Variants in PCDHA2 observed in about 807,000 individuals in gnomAD.
PCDHA2 encodes protocadherin alpha-2.
In PCDHA2, 58 loss-of-function variants were observed where a neutral mutation model predicts 66.0. That is an observed-to-expected ratio of 0.88 (90% CI 0.71 to 1.09). PCDHA2 has a LOEUF of 1.09. Ranked by LOEUF, PCDHA2 falls within the 50% of genes least tolerant of loss-of-function variation. The probability of loss-of-function intolerance (pLI) is 0.00; values close to 1 mark genes in which losing one functional copy is unlikely to be tolerated. For synonymous variants in PCDHA2, 634 were observed against 554.0 expected, an observed-to-expected ratio of 1.14 and a Z score of -2.03; for missense variants, 1,267 against 1,242.3, an observed-to-expected ratio of 1.02 and a Z score of -0.30.
At chr5:140,856,210 G>C (rs556174610) in intron 1 of PCDHA2, 1 of 1,598,116 alleles carries the variant, frequency 6.3e-7, no homozygotes, top group African/African-American at 1.3e-5. Context: ...TGGGGCTGGA[G>C]CTGGCGGAGC....
chr5:140,829,237 C>T (rs2150164449), intron 1 of PCDHA2: 70 of 1,614,146 alleles, frequency 4.3e-5, no homozygotes, highest in Non-Finnish European at 4.8e-5. Context: ...CAGGTGCCAA[C>T]GGGCAGGTGA....
In PCDHA2 at chr5:141,009,668, G is replaced by A. The variant is rs782068657; in HGVS notation, c.2578G>A (p.Val860Ile). The change falls in exon 4 of 4, where the codon GTC becomes ATC. Residue 860 changes from valine (V) to isoleucine (I), a missense_variant. Transcript: ENST00000526136. ...AGTGTCCCCTCCAGTCGGTGCGGGTGTCAACAGCAACAGCTGGACCTTTAA... is the reference window on the plus strand; with the variant it reads ...AGTGTCCCCTCCAGTCGGTGCGGGTATCAACAGCAACAGCTGGACCTTTAA... ...GEVSPPVGAG[V>I]NSNSWTFKYG... The A allele has an allele frequency of 1.2e-6, 2 of 1,614,108 alleles. No individual in the cohort carries two copies. Among genetic ancestry groups the A allele is most frequent in the Non-Finnish European group, 1.7e-6 (2 of 1,180,018 alleles).
At chr5:140,823,614 G>C (rs2150127435) in intron 1 of PCDHA2, 1 of 1,614,046 alleles carries the variant, frequency 6.2e-7, no homozygotes, top group Non-Finnish European at 8.5e-7. Context: ...TGCAGCCAGC[G>C]CCTGGCAGTG....
intron 1 of PCDHA2, chr5:140,876,915 C>G: frequency 6.2e-7 from 1 of 1,613,966 alleles, no homozygotes; most frequent in East Asian, 2.2e-5. Flanking sequence ...CGGCATGGGA[C>G]GCGGACGCGC....
At chr5:140,880,198 G>C (rs1360437780) in intron 1 of PCDHA2, among the ~76,000 whole-genome samples, 1 of 152,164 alleles carries the variant, frequency 6.6e-6, no homozygotes, top group Non-Finnish European at 1.5e-5. Flanking sequence ...ATAAACAGAA[G>C]AGGTTTTCCA....
At chr5:140,856,393 T>A in intron 1 of PCDHA2, 1 of 1,598,412 alleles carries the variant, frequency 6.3e-7, no homozygotes, top group African/African-American at 1.3e-5. Flanking sequence ...CGCTGCAGGT[T>A]TTCCATGTGG....
chr5:140,882,061 G>GT, intron 1 of PCDHA2: 1 of 816,902 alleles, frequency 1.2e-6, no homozygotes, highest in Non-Finnish European at 1.9e-6. Flanking sequence ...ACACTTACAC[G>GT]TTCATGCGCA....
chr5:140,808,686 G>C, intron 1 of PCDHA2: 1 of 1,612,398 alleles, frequency 6.2e-7, no homozygotes, highest in Non-Finnish European at 8.5e-7. Context: ...CGGCGGGTAG[G>C]GGAGCGCGCG....
At chr5:140,870,164 T>A in intron 1 of PCDHA2, 1 of 1,614,174 alleles carries the variant, frequency 6.2e-7, no homozygotes, top group African/African-American at 1.3e-5. Context: ...GTGACTTCCT[T>A]GTCCCTCCCA....
At chr5:140,836,132 G>T in intron 1 of PCDHA2, 1 of 1,613,758 alleles carries the variant, frequency 6.2e-7, no homozygotes. Flanking sequence ...TTGTGCCGCG[G>T]TCTGTGGGCG....
At chr5:140,862,203 C>G (rs1481623018) in intron 1 of PCDHA2, 1 of 175,658 alleles carries the variant, frequency 5.7e-6, no homozygotes, top group Non-Finnish European at 1.2e-5. Context: ...AATGTTTGAT[C>G]ACTGCACAGA....
chr5:140,853,550 A>G lies in PCDHA2; in HGVS notation c.2388+56198A>G, dbSNP rs1220580978. The G allele has an allele frequency of 5.1e-6, 5 of 979,400 alleles. 1 individual carries two copies. Among genetic ancestry groups the G allele is most frequent in the Non-Finnish European group, 6.2e-6 (5 of 811,998 alleles). 60.7% of individuals were successfully genotyped at this position (979,400 alleles called of 1,614,324 possible). A position where few individuals can be genotyped will look rare whatever the true frequency, so the allele number is the denominator to read the frequency against. On this transcript the variant is annotated intron_variant, in intron 1 of 3. Transcript: ENST00000526136. The stretch of plus-strand genomic sequence containing the variant: ...TGTCTCTTTTCAAGTTGTAATTACT[A>G]TATAGGAAAAACTAAGTTGTCACCC...
chr5:140,982,265 G>A lies in PCDHA2; in HGVS notation c.2448-210G>A, dbSNP rs2096974278. ...ATAAAGATAGAACATGTGTGTTCCT[G>A]GAATAGTATAGCAGGCAATAAGTAA... On this transcript the variant is annotated intron_variant, in intron 2 of 3. Transcript: ENST00000526136. 7 of 870,768 alleles carry A rather than the reference G, an allele frequency of 8.0e-6. No individual in the cohort carries two copies. In the Admixed American group the frequency reaches 1.6e-4, roughly 20 times the overall value. 53.9% of individuals were successfully genotyped at this position (870,768 alleles called of 1,614,324 possible).
chr5:140,969,491 C>T (rs2096337176), intron 1 of PCDHA2: 8 of 1,449,294 alleles, frequency 5.5e-6, no homozygotes, highest in Non-Finnish European at 7.3e-6. Context: ...CTGCTATTTC[C>T]TCTCTAGAAA....
intron 1 of PCDHA2, among the ~76,000 whole-genome samples, chr5:140,920,841 T>TAAAA (rs781921146): frequency 7.3e-5 from 8 of 109,222 alleles, no homozygotes; most frequent in African/African-American, 1.0e-4. Flanking sequence ...AGACCAAATC[T>TAAAA]AAAAAAAAAA....
At position 141,012,295 on chromosome 5, in the gene PCDHA2, T is replaced by C. The variant is rs2098423507; in HGVS notation, c.*2358T>C. ...GTCATGTGGATTCATTTTGAATTGG[T>C]GCTATTGGTATTTCCTCTGTTATTG... On this transcript the variant is annotated 3_prime_UTR_variant, in exon 4 of 4. Coordinates refer to ENST00000526136, the MANE Select transcript of PCDHA2 (RefSeq NM_018905.3). 6.5e-6 allele frequency: 1 copy of C among 153,776 alleles called. No homozygotes were observed. The highest frequency in any genetic ancestry group is 2.4e-5 in the African/African-American group (1 of 41,466). 9.5% of individuals were successfully genotyped at this position (153,776 alleles called of 1,614,324 possible).
intron 1 of PCDHA2, chr5:140,864,379 T>G (rs991413766): frequency 6.6e-6 from 1 of 152,364 alleles, no homozygotes; most frequent in African/African-American, 2.4e-5. Flanking sequence ...TCGATAAGTT[T>G]ATCTCTCACA....
chr5:140,951,966 C>G (rs1554220177), intron 1 of PCDHA2, among the ~76,000 whole-genome samples: 1 of 152,128 alleles, frequency 6.6e-6, no homozygotes, highest in African/African-American at 2.4e-5. Flanking sequence ...GGTAAATACT[C>G]CTGTTCCAAA....
chr5:141,007,671 A>G (rs1161141271), intron 3 of PCDHA2, among the ~76,000 whole-genome samples: 1 of 152,184 alleles, frequency 6.6e-6, no homozygotes, highest in African/African-American at 2.4e-5. Context: ...TTACAAAGAC[A>G]AAAGTTATCC....
Sources: gnomAD v4.1 joint callset for allele counts (sites outside exome capture counted in the v4.1 genomes callset) on GRCh38, gnomAD v4.1.1 for gene constraint, MANE v1.5 for transcripts, NCBI Gene and HGNC (gene_info 2026-07-23, HGNC 2026-07-21) for gene names.